Variants in RASSF3 observed in about 807,000 individuals in gnomAD.
The protein encoded by RASSF3 is ras association domain-containing protein 3.
RASSF3 carries 19 observed loss-of-function variants against 19.9 expected under a neutral mutation model. The ratio of observed to expected loss-of-function variants is 0.96; its 90% CI spans 0.67 to 1.40. The LOEUF (loss-of-function observed/expected upper bound fraction) is 1.40, where lower values mean the gene tolerates loss of function less well. Ranked by LOEUF, RASSF3 falls within the 40% of genes most tolerant of loss-of-function variation. The probability of loss-of-function intolerance (pLI) is 0.00; values close to 1 mark genes in which losing one functional copy is unlikely to be tolerated. For synonymous variants in RASSF3, 110 were observed against 104.2 expected, an observed-to-expected ratio of 1.06 and a Z score of -0.34; for missense variants, 306 against 289.8, an observed-to-expected ratio of 1.06 and a Z score of -0.41.
At chr12:64,656,081 C>A (rs1592449014) in intron 1 of RASSF3, among the ~76,000 whole-genome samples, 1 of 150,928 alleles carries the variant, frequency 6.6e-6, no homozygotes, top group Admixed American at 6.6e-5. Flanking sequence ...ACTTGGATCT[C>A]AGGTTAATTG....
At chr12:64,580,572 G>GAA (rs1332508013) in intron 2 of RASSF3, among the ~76,000 whole-genome samples, 3 of 82,396 alleles carry the variant, frequency 3.6e-5, no homozygotes, top group Non-Finnish European at 7.3e-5. Context: ...TCTTTTTTAG[G>GAA]AAAACACACA....
chr12:64,527,090 G>C (rs1348956579), intron 1 of RASSF3, among the ~76,000 whole-genome samples: 1 of 152,208 alleles, frequency 6.6e-6, no homozygotes, highest in Non-Finnish European at 1.5e-5. Context: ...TGCAATGAAC[G>C]TGGGGATTCA....
At chr12:64,664,779 A>G (rs985332968) in intron 1 of RASSF3, among the ~76,000 whole-genome samples, 1 of 152,190 alleles carries the variant, frequency 6.6e-6, no homozygotes, top group Non-Finnish European at 1.5e-5. Context: ...ATAGTTATAG[A>G]AGACAGCTCT....
chr12:64,605,887 CAAA>C (rs34242846), upstream of RASSF3, among the ~76,000 whole-genome samples: 85 of 82,386 alleles, frequency 1.0e-3, no homozygotes, highest in African/African-American at 3.5e-3. Flanking sequence ...AACTCCGTCT[CAAA>C]AAAAAAAAAA....
At position 64,683,951 on chromosome 12, in the gene RASSF3, T is replaced by C. The variant is rs114904076; in HGVS notation, c.112-836T>C. Among the ~76,000 whole-genome samples, 1,301 of 150,728 alleles carry C rather than the reference T, an allele frequency of 8.6e-3. 27 individuals carry two copies. Among genetic ancestry groups the C allele is most frequent in the African/African-American group, 0.03 (1,236 of 40,738 alleles). On this transcript the variant is annotated intron_variant, in intron 1 of 4. Transcript: ENST00000542104. ...AATTGGTGGATGAGCCTGGAGAGTTTGAAGGTAAGAGAGAAAGAGAAGCAG... is the reference window on the plus strand; with the variant it reads ...AATTGGTGGATGAGCCTGGAGAGTTCGAAGGTAAGAGAGAAAGAGAAGCAG...
At chr12:64,601,172 C>A (rs1163597489) in intron 2 of RASSF3, among the ~76,000 whole-genome samples, 1 of 151,906 alleles carries the variant, frequency 6.6e-6, no homozygotes, top group African/African-American at 2.4e-5. Flanking sequence ...GCCTGTAGTC[C>A]CAGCTACTCG....
At chr12:64,621,636 C>T (rs1448652400) in intron 1 of RASSF3, among the ~76,000 whole-genome samples, 2 of 152,084 alleles carry the variant, frequency 1.3e-5, no homozygotes, top group African/African-American at 2.4e-5. Context: ...CGCCACTATG[C>T]GCGGCTAATT....
chr12:64,664,411 G>A (rs960134755), intron 1 of RASSF3, among the ~76,000 whole-genome samples: 1 of 152,130 alleles, frequency 6.6e-6, no homozygotes, highest in Non-Finnish European at 1.5e-5. Context: ...ACATATCAGG[G>A]ATGCAAGCTT....
At chr12:64,608,623 C>T (rs1474114854), upstream of RASSF3, among the ~76,000 whole-genome samples, 1 of 152,200 alleles carries the variant, frequency 6.6e-6, no homozygotes, top group Non-Finnish European at 1.5e-5. Flanking sequence ...TGCATTTTTC[C>T]TCAAAGTATT....
intron 1 of RASSF3, among the ~76,000 whole-genome samples, chr12:64,662,606 A>C (rs111649337): frequency 3.3e-5 from 5 of 152,102 alleles, no homozygotes; most frequent in South Asian, 2.1e-4. Context: ...GCCTAGATAT[A>C]TGTTAGATTA....
downstream of RASSF3, among the ~76,000 whole-genome samples, chr12:64,542,257 G>A (rs1427926965): frequency 1.3e-5 from 2 of 152,180 alleles, no homozygotes; most frequent in Admixed American, 6.5e-5. Flanking sequence ...AAGCCCCAGA[G>A]GTGGAGGTTG....
intron 1 of RASSF3, among the ~76,000 whole-genome samples, chr12:64,646,911 C>G (rs571032721): frequency 6.6e-6 from 1 of 152,314 alleles, no homozygotes; most frequent in African/African-American, 2.4e-5. Flanking sequence ...CATTTACTTT[C>G]TATCATGACC....
Position 64,507,365 on chromosome 12 carries a change from CG to C in RASSF3, c.169+37del, listed in dbSNP as rs1367372702. 8.5e-5 allele frequency: 34 copies of C among 397,974 alleles called. No individual in the cohort carries two copies. In the South Asian group the frequency reaches 3.1e-3, roughly 36 times the overall value. The allele number at this position is 397,974 out of a possible 1,614,324, so 24.7% of individuals were successfully genotyped here. ...TCAGGCTAATGCCTTATTTCAAATC[CG>C]TTTTTTTGTGTGTGTGTGTTACATT... On this transcript the variant is annotated intron_variant, in intron 1 of 5. Transcript: ENST00000637125.
intron 1 of RASSF3, among the ~76,000 whole-genome samples, chr12:64,620,529 A>G (rs1490794361): frequency 6.6e-6 from 1 of 152,236 alleles, no homozygotes; most frequent in South Asian, 2.1e-4. Flanking sequence ...CTATACTGAC[A>G]AATTTGAATC....
chr12:64,664,664 C>T (rs1397434188), intron 1 of RASSF3, among the ~76,000 whole-genome samples: 1 of 152,182 alleles, frequency 6.6e-6, no homozygotes, highest in Non-Finnish European at 1.5e-5. Context: ...TCCCCTTCCC[C>T]CACCACCTGG....
chr12:64,516,892 C>T (rs553660104), intron 1 of RASSF3, among the ~76,000 whole-genome samples: 270 of 149,424 alleles, frequency 1.8e-3, no homozygotes, highest in African/African-American at 6.1e-3. Flanking sequence ...CCAGCTACTC[C>T]GCAGGCGGAG....
upstream of RASSF3, among the ~76,000 whole-genome samples, chr12:64,606,951 T>G (rs912363363): frequency 3.3e-5 from 5 of 152,164 alleles, no homozygotes; most frequent in African/African-American, 4.8e-5. Flanking sequence ...ACAATTTTCA[T>G]GAGCTAAATT....
chr12:64,515,254 A>G (rs770764780), intron 1 of RASSF3, among the ~76,000 whole-genome samples: 1 of 151,976 alleles, frequency 6.6e-6, no homozygotes, highest in Non-Finnish European at 1.5e-5. Flanking sequence ...TCAGGATTTC[A>G]CCATGTTGGC....
chr12:64,561,795 T>C (rs7968982), intron 2 of RASSF3, among the ~76,000 whole-genome samples: 73,424 of 146,646 alleles, frequency 0.5, 21,192 homozygotes, highest in Non-Finnish European at 0.65. Flanking sequence ...TGGGTTCAAA[T>C]GATTCTTGTG....
Sources: gnomAD v4.1 joint callset for allele counts (sites outside exome capture counted in the v4.1 genomes callset) on GRCh38, gnomAD v4.1.1 for gene constraint, MANE v1.5 for transcripts, NCBI Gene and HGNC (gene_info 2026-07-23, HGNC 2026-07-21) for gene names.